ALX1: variants seen among roughly 807,000 people sequenced by gnomAD.
ALX1 encodes the protein ALX homeobox protein 1.
ALX1 carries 19 observed loss-of-function variants against 31.7 expected under a neutral mutation model. That is an observed-to-expected ratio of 0.60 (90% confidence interval 0.42 to 0.88). The LOEUF (loss-of-function observed/expected upper bound fraction) is 0.88. Among genes scored for constraint, ALX1 ranks in the 40% least tolerant of loss-of-function variants. ALX1 has a pLI of 0.00. For synonymous variants in ALX1, 153 were observed against 148.8 expected, an observed-to-expected ratio of 1.03 and a Z score of -0.20; for missense variants, 415 against 407.8, an observed-to-expected ratio of 1.02 and a Z score of -0.15.
chr12:85,300,897 C>CT (rs1565944368), intron 3 of ALX1, among the ~76,000 whole-genome samples: 1 of 152,086 alleles, frequency 6.6e-6, no homozygotes, highest in East Asian at 1.9e-4. Context: ...GAAAATAATA[C>CT]TTTTTTATAG....
intron 3 of ALX1, among the ~76,000 whole-genome samples, chr12:85,297,250 G>A (rs944045029): frequency 1.3e-5 from 2 of 151,638 alleles, no homozygotes; most frequent in African/African-American, 4.8e-5. Context: ...GATATGCAGT[G>A]TATGATATTC....
chr12:85,284,968 A>G (rs1390125058), intron 2 of ALX1, among the ~76,000 whole-genome samples: 1 of 152,090 alleles, frequency 6.6e-6, no homozygotes, highest in Non-Finnish European at 1.5e-5. Context: ...ACGGATAACA[A>G]GCAGCAGATT....
intron 2 of ALX1, among the ~76,000 whole-genome samples, chr12:85,284,344 A>T (rs1484576470): frequency 6.6e-6 from 1 of 151,154 alleles, no homozygotes; most frequent in East Asian, 1.9e-4. Flanking sequence ...GGCATAATAA[A>T]AAAAAAAACA....
At chr12:85,291,175 G>A (rs909766635) in intron 3 of ALX1, among the ~76,000 whole-genome samples, 1 of 151,212 alleles carries the variant, frequency 6.6e-6, no homozygotes, top group South Asian at 2.1e-4. Context: ...CAAAAAAATA[G>A]GCTAGAAAGA....
chr12:85,286,732 A>G (rs1896752436), intron 2 of ALX1, 121 bp from the exon 3 acceptor site: 2 of 934,904 alleles, frequency 2.1e-6, no homozygotes, highest in Non-Finnish European at 3.1e-6. Flanking sequence ...TAACATAAAT[A>G]CATTTCTTTT....
chr12:85,284,791 T>C (rs1255187377), intron 2 of ALX1, among the ~76,000 whole-genome samples: 1 of 152,138 alleles, frequency 6.6e-6, no homozygotes, highest in Non-Finnish European at 1.5e-5. Context: ...TTGGTCTTTG[T>C]GTGTGTTCTG....
rs769815777 is a variant in ALX1 at position 85,283,641 on chromosome 12, G to GT, written c.297dup (p.Asn100Ter). 6.2e-7 allele frequency: 1 copy of GT among 1,614,132 alleles called. No individual in the cohort carries two copies. ...GAACTGAATAGAGCTATGGACAACTGTAACAGTCTCCGAATGTCTCCCGTG... is the reference window on the plus strand; with the variant it reads ...GAACTGAATAGAGCTATGGACAACTGTTAACAGTCTCCGAATGTCTCCCGTG... On this transcript the variant is annotated frameshift_variant, in exon 2 of 4. Transcript: ENST00000316824. LOFTEE classifies it high-confidence loss of function.
intron 3 of ALX1, among the ~76,000 whole-genome samples, chr12:85,287,618 A>G (rs1320491498): frequency 6.6e-6 from 1 of 151,484 alleles, no homozygotes; most frequent in Non-Finnish European, 1.5e-5. Context: ...TTCATTACAA[A>G]AAGTGTTAGA....
chr12:85,285,050 CTAACAAAG>C (rs1231342585), intron 2 of ALX1, among the ~76,000 whole-genome samples: 11 of 152,176 alleles, frequency 7.2e-5, no homozygotes, highest in African/African-American at 2.6e-4. Context: ...AAAGTTCATG[CTAACAAAG>C]AATTTTAGAA....
Position 85,283,662 on chromosome 12 carries a change from C to A in ALX1, c.317C>A (p.Pro106His). The A allele has an allele frequency of 6.2e-7, 1 of 1,614,076 alleles. No homozygotes were observed. Among genetic ancestry groups the A allele is most frequent in the South Asian group, 1.1e-5 (1 of 91,080 alleles). The change falls in exon 2 of 4, where the codon CCC (proline) becomes CAC (histidine). Residue 106 changes from proline (P) to histidine (H), a missense_variant. Pro to His is a moderately conservative substitution (Grantham distance 77). Transcript: ENST00000316824. ...MDNCNSLRMS[P>H]VKGMQEKGEL... The stretch of plus-strand genomic sequence containing the variant: ...AACTGTAACAGTCTCCGAATGTCTC[C>A]CGTGAAAGGGATGCAAGAGAAGGGA...
chr12:85,299,244 T>G (rs1214183889), intron 3 of ALX1, among the ~76,000 whole-genome samples: 1 of 151,440 alleles, frequency 6.6e-6, no homozygotes, highest in East Asian at 1.9e-4. Flanking sequence ...TGATTGAATG[T>G]CAGAGGAAAA....
intron 3 of ALX1, among the ~76,000 whole-genome samples, chr12:85,288,567 G>A (rs1330563128): frequency 6.6e-6 from 1 of 151,358 alleles, no homozygotes; most frequent in East Asian, 1.9e-4. Flanking sequence ...ATGAGGACAG[G>A]GACTGCAGTG....
intron 3 of ALX1, among the ~76,000 whole-genome samples, chr12:85,288,282 T>G (rs1010647722): frequency 6.6e-6 from 1 of 151,514 alleles, no homozygotes; most frequent in Non-Finnish European, 1.5e-5. Flanking sequence ...AGACTATTCT[T>G]ATGGATACCT....
At chr12:85,296,577 T>G (rs1411361076) in intron 3 of ALX1, among the ~76,000 whole-genome samples, 1 of 151,466 alleles carries the variant, frequency 6.6e-6, no homozygotes, top group Non-Finnish European at 1.5e-5. Flanking sequence ...TTGGCTAAGT[T>G]CCCTGGACAG....
Position 85,286,898 on chromosome 12 carries a change from T to C in ALX1, c.577T>C (p.Tyr193His), listed in dbSNP as rs1896755400. The change falls in exon 3 of 4, where the codon TAT (tyrosine) becomes CAT (histidine). Residue 193 changes from tyrosine to histidine, a missense_variant. By Grantham distance (83) the Tyr-to-His change is moderately conservative. Around this residue, in one of 3 missense-constraint regions of ALX1, gnomAD observed 174 missense variants for 177.5 expected, o/e 0.98. Coordinates refer to ENST00000316824, the MANE Select transcript of ALX1 (RefSeq NM_006982.3). ...RRAKWRKRER[Y>H]GQIQQAKSHF... ...GGCCAAATGGAGAAAAAGGGAACGTTATGGCCAAATACAACAAGCGAAAAG... is the reference window on the plus strand; with the variant it reads ...GGCCAAATGGAGAAAAAGGGAACGTCATGGCCAAATACAACAAGCGAAAAG... 2 of 1,611,922 alleles carry C rather than the reference T, an allele frequency of 1.2e-6. No individual in the cohort carries two copies. The highest frequency in any genetic ancestry group is 1.7e-4 in the Middle Eastern group (1 of 6,046).
At chr12:85,299,618 T>G (rs974608672) in intron 3 of ALX1, among the ~76,000 whole-genome samples, 6 of 151,864 alleles carry the variant, frequency 4.0e-5, no homozygotes, top group Non-Finnish European at 8.8e-5. Flanking sequence ...TGCCAATCAC[T>G]GAAACCCCAC....
chr12:85,280,458 A>C lies in ALX1; in HGVS notation c.197A>C (p.Glu66Ala). 3 of 1,611,564 alleles carry C rather than the reference A, an allele frequency of 1.9e-6. No individual in the cohort carries two copies. Among genetic ancestry groups the C allele is most frequent in the Non-Finnish European group, 2.5e-6 (3 of 1,179,982 alleles). ...CGCGCCGAGCATCACGTGCGCTTGG[A>C]GAGGACCTCGCCCTGTCAGGACAGC... The part of the protein sequence containing the change: ...LPRAEHHVRL[E>A]RTSPCQDSSV... Residue 66 changes from glutamate to alanine, a missense_variant, in exon 1 of 4, where the codon GAG (glutamate) becomes GCG (alanine). Around this residue, in one of 3 missense-constraint regions of ALX1, gnomAD observed 235 missense variants for 208.9 expected, o/e 1.13. Coordinates refer to ENST00000316824, the MANE Select transcript of ALX1 (RefSeq NM_006982.3).
chr12:85,282,937 A>G (rs1896697411), intron 1 of ALX1, among the ~76,000 whole-genome samples: 1 of 152,196 alleles, frequency 6.6e-6, no homozygotes, highest in Admixed American at 6.5e-5. Flanking sequence ...TTCCGATAGA[A>G]AGCGTATTCA....
chr12:85,284,229 T>G (rs1896719053), intron 2 of ALX1, among the ~76,000 whole-genome samples: 1 of 151,152 alleles, frequency 6.6e-6, no homozygotes. Flanking sequence ...TTGTTTTTTT[T>G]TTTTCGGTTT....
Sources: allele counts gnomAD v4.1 joint callset (sites outside exome capture counted in the v4.1 genomes callset), GRCh38; gene constraint gnomAD v4.1.1; regional missense constraint gnomAD v4.1.1; transcripts MANE v1.5; gene names NCBI Gene and HGNC (gene_info 2026-07-23, HGNC 2026-07-21).